BICRAL: variants seen among roughly 807,000 people sequenced by gnomAD.
BICRAL encodes the protein BICRA like chromatin remodeling complex associated protein, also known as BRD4-interacting chromatin-remodeling complex-associated protein-like.
BICRAL carries 8 observed loss-of-function variants against 91.8 expected under a neutral mutation model. That is an observed-to-expected ratio of 0.09 (90% CI 0.05 to 0.16). The LOEUF (loss-of-function observed/expected upper bound fraction) is 0.16, where lower values mean the gene tolerates loss of function less well. Among genes scored for constraint, BICRAL ranks in the 10% least tolerant of loss-of-function variants. The probability of loss-of-function intolerance (pLI) is 1.00; values close to 1 mark genes in which losing one functional copy is unlikely to be tolerated. For missense variants in BICRAL, 1,038 were observed against 1,310.9 expected, an observed-to-expected ratio of 0.79 and a Z score of 3.21; for synonymous variants, 445 against 491.1, an observed-to-expected ratio of 0.91 and a Z score of 1.24.
intron 1 of BICRAL, among the ~76,000 whole-genome samples, chr6:42,802,489 C>A (rs1274605521): frequency 6.6e-6 from 1 of 151,704 alleles, no homozygotes; most frequent in East Asian, 1.9e-4. Flanking sequence ...GCCCTTGTTG[C>A]CCAGGCTGGA....
chr6:42,818,723 C>T (rs1562477196), intron 2 of BICRAL, among the ~76,000 whole-genome samples: 1 of 151,934 alleles, frequency 6.6e-6, no homozygotes, highest in African/African-American at 2.4e-5. Context: ...CATTTAACTC[C>T]TAGATCCATC....
intron 1 of BICRAL, among the ~76,000 whole-genome samples, chr6:42,806,732 C>G (rs770806425): frequency 6.6e-6 from 1 of 151,690 alleles, no homozygotes. Context: ...CCAGGCTGGT[C>G]TCAAACTCCT....
At chr6:42,828,255 G>T (rs555290519) in intron 5 of BICRAL, among the ~76,000 whole-genome samples, 18 of 152,108 alleles carry the variant, frequency 1.2e-4, no homozygotes, top group African/African-American at 4.1e-4. Flanking sequence ...CAAAAAATTA[G>T]CTGGGCGCGG....
intron 1 of BICRAL, among the ~76,000 whole-genome samples, chr6:42,755,573 T>G (rs1762445138): frequency 6.6e-6 from 1 of 152,106 alleles, no homozygotes; most frequent in Non-Finnish European, 1.5e-5. Context: ...GACCCACCTC[T>G]TTGTCTCTCT....
chr6:42,857,614 A>AATAT (rs1554283186), intron 10 of BICRAL, among the ~76,000 whole-genome samples: 7 of 96,240 alleles, frequency 7.3e-5, no homozygotes, highest in Non-Finnish European at 1.3e-4. Context: ...AAAAAAAAAA[A>AATAT]ATATATATAT....
In BICRAL at chr6:42,756,875, TCG is replaced by T. The variant is rs879639931; in HGVS notation, c.-261+9862_-261+9863del. Among the ~76,000 whole-genome samples, 7 of 149,608 alleles carry T rather than the reference TCG, an allele frequency of 4.7e-5. No homozygotes were observed. In the East Asian group the frequency reaches 1.2e-3, roughly 26 times the overall value. On this transcript the variant is annotated intron_variant, in intron 1 of 14. Coordinates refer to the BICRAL transcript ENST00000614467. The stretch of plus-strand genomic sequence containing the variant: ...GCTTGCGCTGTCTCTCGCTTGGCTC[TCG>T]CGCGCGCGCTCTCTCTCTCTCTCTC...
chr6:42,752,898 C>T (rs1420009760), intron 1 of BICRAL, among the ~76,000 whole-genome samples: 2 of 148,066 alleles, frequency 1.4e-5, no homozygotes, highest in Non-Finnish European at 3.0e-5. Flanking sequence ...CCACAGTGCC[C>T]TGCCCCCAGC....
chr6:42,846,478 C>G (rs569472596), intron 6 of BICRAL, among the ~76,000 whole-genome samples: 57 of 152,102 alleles, frequency 3.7e-4, no homozygotes, highest in African/African-American at 1.3e-3. Flanking sequence ...TGGATGGAAC[C>G]CAGAAATTCT....
intron 1 of BICRAL, among the ~76,000 whole-genome samples, chr6:42,756,898 C>CTCTT (rs1562448021): frequency 1.6e-5 from 2 of 125,570 alleles, no homozygotes; most frequent in African/African-American, 3.1e-5. Context: ...CTCTCTCTCT[C>CTCTT]TCTCTCTCTC....
intron 1 of BICRAL, among the ~76,000 whole-genome samples, chr6:42,798,401 GA>G (rs1008179685): frequency 6.7e-6 from 1 of 150,104 alleles, no homozygotes; most frequent in African/African-American, 2.5e-5. Context: ...TTTTTAATTA[GA>G]AAAAAAAAGG....
chr6:42,863,117 T>C (rs1004522172), intron 12 of BICRAL, among the ~76,000 whole-genome samples: 19 of 151,532 alleles, frequency 1.3e-4, no homozygotes, highest in African/African-American at 4.4e-4. Context: ...TGGCGGATCT[T>C]GGCTCACTGC....
At chr6:42,756,780 A>C (rs796532928) in intron 1 of BICRAL, among the ~76,000 whole-genome samples, 2 of 152,020 alleles carry the variant, frequency 1.3e-5, no homozygotes, top group African/African-American at 4.8e-5. Flanking sequence ...AGATGGCTTC[A>C]CTCACACATC....
rs1765723596 is a variant in BICRAL, at chr6:42,866,938, A to G, written c.*1492A>G. The G allele has an allele frequency of 6.6e-6, 3 of 453,958 alleles. No individual in the cohort carries two copies. The highest frequency in any genetic ancestry group is 6.9e-5 in the East Asian group (1 of 14,392). 28.1% of individuals were successfully genotyped at this position (453,958 alleles called of 1,614,324 possible). A position where few individuals can be genotyped will look rare whatever the true frequency, so the allele number is the denominator to read the frequency against. ...TTCTCCCACACATACACACACGTGC[A>G]TGTATCTGAGCTGCTCGGATCCAGA... On this transcript the variant is annotated 3_prime_UTR_variant, in exon 13 of 13. Coordinates refer to ENST00000314073, the MANE Select transcript of BICRAL (RefSeq NM_001393499.1).
At position 42,867,615 on chromosome 6, in the gene BICRAL, G is replaced by A. The variant is rs1695374317; in HGVS notation, c.*2169G>A. On this transcript the variant is annotated 3_prime_UTR_variant, in exon 13 of 13. Coordinates refer to ENST00000314073, the MANE Select transcript of BICRAL (RefSeq NM_001393499.1). ...ATCCCTGGAAGCCTTCATGTGGGCT[G>A]CTAGTGAGTTACATTAATTACTGCA... The A allele has an allele frequency of 6.6e-6, 1 of 152,300 alleles. No individual in the cohort carries two copies. Among genetic ancestry groups the A allele is most frequent in the Admixed American group, 6.6e-5 (1 of 15,264 alleles). 9.4% of individuals were successfully genotyped at this position (152,300 alleles called of 1,614,324 possible).
At chr6:42,779,728 C>T (rs1009256697), upstream of BICRAL, among the ~76,000 whole-genome samples, 4 of 152,174 alleles carry the variant, frequency 2.6e-5, no homozygotes, top group Non-Finnish European at 5.9e-5. Context: ...AAGCGATTCT[C>T]GTGCCTCAGC....
chr6:42,747,338 AG>A (rs1762294817), intron 1 of BICRAL, among the ~76,000 whole-genome samples: 1 of 152,150 alleles, frequency 6.6e-6, no homozygotes, highest in Non-Finnish European at 1.5e-5. Flanking sequence ...TTCCAACCCT[AG>A]GTTTCCTCCT....
At chr6:42,811,695 C>G (rs1175689567) in intron 2 of BICRAL, among the ~76,000 whole-genome samples, 1 of 151,248 alleles carries the variant, frequency 6.6e-6, no homozygotes, top group African/African-American at 2.4e-5. Flanking sequence ...GCACTCCACT[C>G]TACTATCTGG....
chr6:42,860,263 G>A lies in BICRAL; in HGVS notation c.2256G>A (p.Val752=), dbSNP rs770258118. 3 of 1,572,422 alleles carry A rather than the reference G, an allele frequency of 1.9e-6. No individual in the cohort carries two copies. The highest frequency in any genetic ancestry group is 2.6e-6 in the Non-Finnish European group (3 of 1,143,124). ...SMPTEEDLRK[V]DNEFETVATQ... ...TTCTTTGTCTCTCTCTTTTTAAAGT[G>A]GACAATGAATTTGAGACAGTTGCCA... Residue 752 remains valine, a splice_region_variant and synonymous_variant, in exon 11 of 13, where the codon GTG becomes GTA. Coordinates refer to ENST00000314073, the MANE Select transcript of BICRAL (RefSeq NM_001393499.1).
chr6:42,779,223 AACACAC>A (rs57493144), upstream of BICRAL, among the ~76,000 whole-genome samples: 23,425 of 132,280 alleles, frequency 0.18, 2,196 homozygotes, highest in East Asian at 0.39. Flanking sequence ...TCTCAAGAAA[AACACAC>A]ACACACACAC....
Sources: allele counts gnomAD v4.1 joint callset (sites outside exome capture counted in the v4.1 genomes callset), GRCh38; gene constraint gnomAD v4.1.1; transcripts MANE v1.5; gene names NCBI Gene and HGNC (gene_info 2026-07-23, HGNC 2026-07-21).